Variants in ELF4 observed in about 807,000 individuals in gnomAD.
The protein encoded by ELF4 is ETS-related transcription factor Elf-4.
A neutral mutation model predicts 31.7 loss-of-function variants in ELF4; 10 were observed. The ratio of observed to expected loss-of-function variants is 0.32; its 90% CI spans 0.19 to 0.54. The LOEUF (loss-of-function observed/expected upper bound fraction) is 0.54. Ranked by LOEUF, ELF4 falls within the 20% of genes least tolerant of loss-of-function variation. The pLI, the probability that ELF4 is intolerant of heterozygous loss-of-function variation, is 0.95. For synonymous variants in ELF4, 208 were observed against 226.7 expected (o/e 0.92, Z 0.74); for missense variants, 418 against 522.0 (o/e 0.80, Z 1.94).
In ELF4 at chrX:130,072,298, C is replaced by G. The variant is rs374933870; in HGVS notation, c.460G>C (p.Glu154Gln). The G allele has an allele frequency of 1.6e-6, 2 of 1,212,482 alleles. No individual in the cohort carries two copies. The highest frequency in any genetic ancestry group is 2.2e-6 in the Non-Finnish European group (2 of 895,664). Reference sequence around the variant, plus strand: ...GCCTTCTCCTCCAGAGAATGCCCCTCCTGGTCACTAGTGTCACCCGCCCTG... The same window carrying G: ...GCCTTCTCCTCCAGAGAATGCCCCTGCTGGTCACTAGTGTCACCCGCCCTG... Reference protein sequence around the residue: ...LNRAGDTSDQEGHSLEEKASR... With the variant: ...LNRAGDTSDQQGHSLEEKASR... The change falls in exon 5 of 9, where the codon GAG (glutamate) becomes CAG (glutamine). Residue 154 changes from glutamate (E) to glutamine (Q), a missense_variant. This residue lies in a region of ELF4 where 88 missense variants were observed against 92.4 expected (regional missense o/e 0.95). Transcript: ENST00000308167.
chrX:130,069,260 T>A (rs1409463892), intron 8 of ELF4, 40 bp downstream of exon 8: 1 of 1,201,623 alleles, frequency 8.3e-7, no homozygotes, highest in Non-Finnish European at 1.1e-6. Context: ...CCCAACATGA[T>A]GTACTATGTG....
chrX:130,068,097 C>A (rs769406153), intron 8 of ELF4, among the ~76,000 whole-genome samples: 12 of 112,191 alleles, frequency 1.1e-4, no homozygotes, highest in Non-Finnish European at 1.5e-4. Flanking sequence ...CAGGTGTGAG[C>A]CACCATGCTC....
In ELF4 at chrX:130,074,134, A is replaced by G. The variant is rs146044419; in HGVS notation, c.255T>C (p.Asn85=). The change falls in exon 4 of 9, where the codon AAT becomes AAC. Residue 85 remains asparagine, a synonymous_variant. Coordinates refer to ENST00000308167, the MANE Select transcript of ELF4 (RefSeq NM_001421.4). ...LEGSFLLTDD[N]EATSHTMSTA... Reference sequence around the variant, plus strand: ...TTGACATGGTGTGCGAGGTGGCCTCATTGTCATCTGGTCCGGGTTCCATGG... The same window carrying G: ...TTGACATGGTGTGCGAGGTGGCCTCGTTGTCATCTGGTCCGGGTTCCATGG... 4.6e-5 allele frequency: 56 copies of G among 1,209,705 alleles called. No homozygotes were observed. The East Asian group carries it at 1.6e-3, about 35-fold the overall frequency.
intron 2 of ELF4, among the ~76,000 whole-genome samples, 164 bp from the exon 3 acceptor site, chrX:130,074,916 T>G (rs1932819269): frequency 9.0e-6 from 1 of 111,120 alleles, no homozygotes; most frequent in Non-Finnish European, 1.9e-5. Context: ...TAGGTGATGC[T>G]TTGAGTGGGT....
chrX:130,095,253 T>G (rs1177351953), intron 1 of ELF4, among the ~76,000 whole-genome samples: 1 of 112,295 alleles, frequency 8.9e-6, no homozygotes, highest in Admixed American at 9.4e-5. Context: ...TGAACCTAGC[T>G]TTATTTCCAA....
chrX:130,080,878 G>C (rs988194414), intron 2 of ELF4, among the ~76,000 whole-genome samples: 12 of 112,650 alleles, frequency 1.1e-4, no homozygotes, highest in African/African-American at 3.9e-4. Flanking sequence ...TTCTCACTGT[G>C]ACACTTTGAG....
At chrX:130,096,769 C>T (rs1232562788) in intron 1 of ELF4, among the ~76,000 whole-genome samples, 2 of 110,820 alleles carry the variant, frequency 1.8e-5, no homozygotes, top group Non-Finnish European at 3.8e-5. Flanking sequence ...AGGGTAAGTA[C>T]AGGGTCACTG....
Position 130,066,610 on chromosome X carries a change from G to T in ELF4, c.*111C>A. ...GCAGGGCCGGGGGACTTGGGGTCAA[G>T]TGTATTGACATCCCACTGAAATGCA... On this transcript the variant is annotated 3_prime_UTR_variant, in exon 9 of 9. Transcript: ENST00000308167. The T allele has an allele frequency of 1.2e-6, 1 of 847,949 alleles. No homozygotes were observed. The highest frequency in any genetic ancestry group is 1.7e-6 in the Non-Finnish European group (1 of 580,058). The allele number at this position is 847,949 out of a possible 1,213,427, so 69.9% of individuals were successfully genotyped here. A position where few individuals can be genotyped will look rare whatever the true frequency, so the allele number is the denominator to read the frequency against.
chrX:130,109,088 G>A (rs758156948), intron 1 of ELF4, among the ~76,000 whole-genome samples: 3 of 112,716 alleles, frequency 2.7e-5, no homozygotes, highest in African/African-American at 6.4e-5. Context: ...TGTGTTCCCC[G>A]GGCATTTTCA....
At chrX:130,072,149 T>C in intron 5 of ELF4, 77 bp downstream of exon 5, 4 of 1,157,088 alleles carry the variant, frequency 3.5e-6, no homozygotes, top group Non-Finnish European at 3.5e-6. Flanking sequence ...TCTTAACACA[T>C]CCATGAGCCC....
chrX:130,091,145 G>A (rs906300924), intron 1 of ELF4, among the ~76,000 whole-genome samples: 17 of 111,868 alleles, frequency 1.5e-4, no homozygotes, highest in Admixed American at 4.8e-4. Context: ...ATTTATTTTA[G>A]GCCAGACACA....
chrX:130,070,823 A>G (rs1932780914), intron 7 of ELF4, among the ~76,000 whole-genome samples: 1 of 105,404 alleles, frequency 9.5e-6, no homozygotes, highest in African/African-American at 3.4e-5. Context: ...AAGAAAAAGG[A>G]AAAGAAAAAA....
intron 1 of ELF4, among the ~76,000 whole-genome samples, chrX:130,102,695 T>C (rs1157977843): frequency 9.3e-6 from 1 of 107,835 alleles, no homozygotes; most frequent in African/African-American, 3.4e-5. Flanking sequence ...CACACTCTTG[T>C]GGTCCCAGCT....
Position 130,065,094 on chromosome X carries a change from G to A in ELF4, c.*1627C>T, listed in dbSNP as rs1932631633. 5.8e-6 allele frequency: 1 copy of A among 173,491 alleles called. No homozygotes were observed. Among genetic ancestry groups the A allele is most frequent in the Non-Finnish European group, 1.1e-5 (1 of 90,782 alleles). 14.3% of individuals were successfully genotyped at this position (173,491 alleles called of 1,213,427 possible). On this transcript the variant is annotated 3_prime_UTR_variant, in exon 9 of 9. Coordinates refer to ENST00000308167, the MANE Select transcript of ELF4 (RefSeq NM_001421.4). ...TTGGCTTAACAAAGAAGAGAAGAGC[G>A]AGAGCGCGGCCAGGGGAGGTAGTTA...
intron 1 of ELF4, among the ~76,000 whole-genome samples, chrX:130,092,602 G>C (rs530090280): frequency 6.2e-5 from 7 of 112,310 alleles, no homozygotes; most frequent in African/African-American, 2.3e-4. Context: ...TTACCTAGCT[G>C]TCACCTTGAG....
At chrX:130,078,762 TACACACACACACAC>T (rs530565075) in intron 2 of ELF4, among the ~76,000 whole-genome samples, 18 of 84,879 alleles carry the variant, frequency 2.1e-4, no homozygotes, top group Middle Eastern at 6.0e-3. Flanking sequence ...TCTCTCTCTC[TACACACACACACAC>T]ACACACACAC....
chrX:130,080,015 A>G, intron 2 of ELF4, among the ~76,000 whole-genome samples: 1 of 112,175 alleles, frequency 8.9e-6, no homozygotes, highest in Non-Finnish European at 1.9e-5. Context: ...GAGATTGGAC[A>G]GTTTTCCATC....
chrX:130,111,197 TGCGCCGCGGCCCGGGCGGGC>T (rs1162750869), upstream of ELF4, among the ~76,000 whole-genome samples: 2 of 105,982 alleles, frequency 1.9e-5, no homozygotes, highest in Non-Finnish European at 3.9e-5. Context: ...GCCCGCGTCG[TGCGCCGCGGCCCGGGCGGGC>T]GCTCCCCACT....
At chrX:130,070,973 C>T in intron 7 of ELF4, 67 bp downstream of exon 7, 1 of 1,189,168 alleles carries the variant, frequency 8.4e-7, no homozygotes, top group Non-Finnish European at 1.1e-6. Context: ...GAGGAGGACT[C>T]CTTGGACTTA....
Sources: gnomAD v4.1 joint callset for allele counts (sites outside exome capture counted in the v4.1 genomes callset) on GRCh38, gnomAD v4.1.1 for gene constraint, gnomAD v4.1.1 regional missense constraint, MANE v1.5 for transcripts, NCBI Gene and HGNC (gene_info 2026-07-23, HGNC 2026-07-21) for gene names.